ARHGAP10: variants seen among roughly 807,000 people sequenced by gnomAD.
The protein encoded by ARHGAP10 is Rho GTPase activating protein 10.
ARHGAP10 carries 87 observed loss-of-function variants against 108.6 expected under a neutral mutation model. That is an observed-to-expected ratio of 0.80 (90% CI 0.67 to 0.96). The LOEUF is 0.96. ARHGAP10 is among the 40% of genes least tolerant of loss of function. The pLI is 0.00. For missense variants in ARHGAP10, 939 were observed against 954.5 expected, an observed-to-expected ratio of 0.98 and a Z score of 0.21; for synonymous variants, 347 against 341.1, an observed-to-expected ratio of 1.02 and a Z score of -0.19.
At chr4:147,871,029 G>A (rs965390131) in intron 7 of ARHGAP10, among the ~76,000 whole-genome samples, 2 of 150,178 alleles carry the variant, frequency 1.3e-5, no homozygotes, top group South Asian at 2.1e-4. Flanking sequence ...GCCCAGTCTC[G>A]GCTCACTGTA....
intron 13 of ARHGAP10, among the ~76,000 whole-genome samples, chr4:147,916,374 AT>A (rs774883317): frequency 7.2e-5 from 11 of 152,114 alleles, no homozygotes; most frequent in Non-Finnish European, 1.5e-4. Context: ...ATTTTATGGC[AT>A]TTTTCTTAAG....
chr4:147,732,243 G>A lies in ARHGAP10; in HGVS notation c.-59G>A. 11 of 1,466,388 alleles carry A rather than the reference G, an allele frequency of 7.5e-6. No individual in the cohort carries two copies. The highest frequency in any genetic ancestry group is 1.5e-5 in the African/African-American group (1 of 66,858). 90.8% of individuals were successfully genotyped at this position (1,466,388 alleles called of 1,614,324 possible). On this transcript the variant is annotated 5_prime_UTR_variant, in exon 1 of 23. Transcript: ENST00000336498. ...CGGCGCCGCACCTGGCAGCGGCCTC[G>A]GAGCTCGGCTCGGGCAGGAGCGCGC...
intron 15 of ARHGAP10, among the ~76,000 whole-genome samples, chr4:147,953,137 T>C (rs1738673341): frequency 1.3e-5 from 2 of 152,008 alleles, no homozygotes; most frequent in Admixed American, 1.3e-4. Flanking sequence ...TGATATATTA[T>C]TTTATTTATC....
intron 22 of ARHGAP10, among the ~76,000 whole-genome samples, chr4:148,070,304 T>A (rs1375838146): frequency 1.3e-5 from 2 of 152,186 alleles, no homozygotes; most frequent in Non-Finnish European, 2.9e-5. Context: ...GAGTAGGTGC[T>A]GTCCAGGCAT....
At chr4:147,746,037 C>G (rs1333861553) in intron 1 of ARHGAP10, among the ~76,000 whole-genome samples, 1 of 151,950 alleles carries the variant, frequency 6.6e-6, no homozygotes, top group East Asian at 1.9e-4. Context: ...ATCTTCCCGC[C>G]TCTGCCTCCC....
intron 3 of ARHGAP10, among the ~76,000 whole-genome samples, chr4:147,825,066 T>C (rs1039406479): frequency 2.0e-5 from 3 of 152,170 alleles, no homozygotes; most frequent in Non-Finnish European, 2.9e-5. Flanking sequence ...TGCAGCTGGC[T>C]TCGTAGGTGT....
chr4:147,751,766 G>A (rs891047520), intron 1 of ARHGAP10, among the ~76,000 whole-genome samples: 2 of 151,912 alleles, frequency 1.3e-5, no homozygotes, highest in Admixed American at 6.6e-5. Context: ...AGTTAATCTC[G>A]TAATAATTGC....
Position 147,867,863 on chromosome 4 carries a change from C to CA in ARHGAP10, c.702+1070dup, listed in dbSNP as rs56740685. Reference sequence around the variant, plus strand: ...TGGGCGACAGAGTGAGACTCTGTCTCAAAAAAAAAAAAAAAAAAAAAAAGT... The same window carrying CA: ...TGGGCGACAGAGTGAGACTCTGTCTCAAAAAAAAAAAAAAAAAAAAAAAAGT... On this transcript the variant is annotated intron_variant, in intron 7 of 22. Transcript: ENST00000336498. Among the ~76,000 whole-genome samples the CA allele has an allele frequency of 4.1e-3, 235 of 56,858 alleles. 1 individual carries two copies. The highest frequency in any genetic ancestry group is 0.011 in the African/African-American group (180 of 16,874). 37.3% of individuals were successfully genotyped at this position (56,858 alleles called of 152,430 possible).
chr4:147,911,128 G>T (rs11725005), intron 12 of ARHGAP10, among the ~76,000 whole-genome samples: 1 of 152,122 alleles, frequency 6.6e-6, no homozygotes, highest in South Asian at 2.1e-4. Context: ...TAGAAAACAC[G>T]GTTTTGCTAA....
chr4:147,882,351 T>C (rs1290865950), intron 10 of ARHGAP10, among the ~76,000 whole-genome samples: 1 of 151,652 alleles, frequency 6.6e-6, no homozygotes, highest in Non-Finnish European at 1.5e-5. Flanking sequence ...TAGTCCCAGC[T>C]ACATGGGAGG....
chr4:147,992,959 G>C (rs1194022006), intron 18 of ARHGAP10, among the ~76,000 whole-genome samples: 1 of 152,200 alleles, frequency 6.6e-6, no homozygotes, highest in Non-Finnish European at 1.5e-5. Flanking sequence ...GTGTATTGAA[G>C]AAGGCACCTC....
chr4:147,755,563 T>C (rs1266676247), intron 1 of ARHGAP10, among the ~76,000 whole-genome samples: 1 of 152,152 alleles, frequency 6.6e-6, no homozygotes, highest in South Asian at 2.1e-4. Context: ...TTCCATGTTA[T>C]CAAGAAGAAA....
intron 3 of ARHGAP10, among the ~76,000 whole-genome samples, chr4:147,836,742 C>T (rs558801904): frequency 1.3e-5 from 2 of 152,180 alleles, no homozygotes; most frequent in South Asian, 2.1e-4. Context: ...AGTTTCTCTA[C>T]TGGGAAAATT....
chr4:148,056,573 C>T (rs1487781010), intron 20 of ARHGAP10, among the ~76,000 whole-genome samples: 1 of 151,340 alleles, frequency 6.6e-6, no homozygotes, highest in Admixed American at 6.6e-5. Flanking sequence ...ACCTCCGGCT[C>T]TTAGCATCTT....
intron 1 of ARHGAP10, among the ~76,000 whole-genome samples, chr4:147,783,314 CATTAA>C (rs1730643071): frequency 7.0e-6 from 1 of 142,310 alleles, no homozygotes; most frequent in African/African-American, 2.5e-5. Context: ...ATATAACACA[CATTAA>C]ATTATGTATT....
intron 1 of ARHGAP10, among the ~76,000 whole-genome samples, chr4:147,762,499 CTTAT>C (rs113127539): frequency 1.1e-4 from 17 of 148,054 alleles, no homozygotes; most frequent in East Asian, 5.9e-4. Context: ...AAGATAATTG[CTTAT>C]TTATTTATTT....
chr4:147,791,797 C>T (rs1731136751), intron 1 of ARHGAP10, among the ~76,000 whole-genome samples: 1 of 152,096 alleles, frequency 6.6e-6, no homozygotes, highest in Non-Finnish European at 1.5e-5. Flanking sequence ...GTTGGCCAGG[C>T]TCGTCTCGAA....
At chr4:147,766,421 G>A (rs1163845243) in intron 1 of ARHGAP10, among the ~76,000 whole-genome samples, 1 of 151,904 alleles carries the variant, frequency 6.6e-6, no homozygotes, top group Non-Finnish European at 1.5e-5. Flanking sequence ...GTATTGTTCA[G>A]GGAATATAAG....
chr4:147,936,278 T>TC (rs1368158078), intron 13 of ARHGAP10, among the ~76,000 whole-genome samples: 1 of 151,666 alleles, frequency 6.6e-6, no homozygotes, highest in East Asian at 1.9e-4. Context: ...TTTTCTTTTT[T>TC]CCAACTCCTG....
Sources: allele counts gnomAD v4.1 joint callset (sites outside exome capture counted in the v4.1 genomes callset), GRCh38; gene constraint gnomAD v4.1.1; transcripts MANE v1.5; gene names NCBI Gene and HGNC (gene_info 2026-07-23, HGNC 2026-07-21).